The following SYCP2L variants were observed in gnomAD, a reference collection of about 807,000 sequenced individuals.
The protein encoded by SYCP2L is synaptonemal complex protein 2-like.
SYCP2L carries 98 observed loss-of-function variants against 125.8 expected under a neutral mutation model. That is an observed-to-expected ratio of 0.78 (90% CI 0.66 to 0.92). The LOEUF (loss-of-function observed/expected upper bound fraction) is 0.92. SYCP2L is among the 40% of genes least tolerant of loss of function. SYCP2L has a pLI of 0.00. For missense variants in SYCP2L, 842 were observed against 936.4 expected (o/e 0.90, Z 1.32); for synonymous variants, 317 against 325.4 (o/e 0.97, Z 0.28).
At chr6:10,957,625 CA>C (rs1781522679) in intron 25 of SYCP2L, among the ~76,000 whole-genome samples, 1 of 152,082 alleles carries the variant, frequency 6.6e-6, no homozygotes, top group Non-Finnish European at 1.5e-5. Flanking sequence ...TCAGCCCGTG[CA>C]ACATAGTGAG....
At chr6:10,911,510 C>T (rs903981602) in intron 12 of SYCP2L, among the ~76,000 whole-genome samples, 4 of 152,186 alleles carry the variant, frequency 2.6e-5, no homozygotes, top group African/African-American at 9.7e-5. Flanking sequence ...TCAGAGTCCC[C>T]TTCTTGGCCT....
chr6:10,900,103 G>C (rs969928637), intron 6 of SYCP2L, among the ~76,000 whole-genome samples: 1 of 152,184 alleles, frequency 6.6e-6, no homozygotes, highest in Admixed American at 6.5e-5. Flanking sequence ...AGGAAACACT[G>C]TTCTAGATGA....
At position 10,924,109 on chromosome 6, in the gene SYCP2L, A is replaced by G. The variant is rs1483207657; in HGVS notation, c.1073-387A>G. 5.3e-5 allele frequency among the ~76,000 whole-genome samples: 8 copies of G among 152,194 alleles called. 1 individual carries two copies. ...ATTTTCAATTTTAGAAATAAGTAGA[A>G]TTTCAGAGAGAGAGAGAGTGAATAT... On this transcript the variant is annotated intron_variant, in intron 14 of 29. Coordinates refer to ENST00000283141, the MANE Select transcript of SYCP2L (RefSeq NM_001040274.3).
intron 14 of SYCP2L, among the ~76,000 whole-genome samples, chr6:10,921,349 A>T (rs1780798078): frequency 6.6e-6 from 1 of 152,138 alleles, no homozygotes; most frequent in Non-Finnish European, 1.5e-5. Context: ...ATAGGTGTGC[A>T]TGTATTTTTA....
At chr6:10,953,457 AT>A (rs1781445993) in intron 23 of SYCP2L, among the ~76,000 whole-genome samples, 1 of 152,090 alleles carries the variant, frequency 6.6e-6, no homozygotes. Flanking sequence ...TATAGCAAAT[AT>A]GTAGTGGCTA....
At chr6:10,963,918 G>T in intron 29 of SYCP2L, 75 bp downstream of exon 29, 1 of 1,062,492 alleles carries the variant, frequency 9.4e-7, no homozygotes, top group Non-Finnish European at 1.4e-6. Flanking sequence ...AAAAGATACT[G>T]TAATGCTTTG....
Position 10,887,108 on chromosome 6 carries a change from G to C in SYCP2L, c.-19G>C, listed in dbSNP as rs375124854. ...CAAAGCTGAGCGGCGCGTCGCTTCA[G>C]GAACGAAGAAGCCTCGTTATGCAAG... On this transcript the variant is annotated 5_prime_UTR_variant, in exon 1 of 30. Transcript: ENST00000283141. The C allele has an allele frequency of 7.4e-6, 12 of 1,614,116 alleles. No homozygotes were observed. Among genetic ancestry groups the C allele is most frequent in the Middle Eastern group, 1.6e-4 (1 of 6,062 alleles).
intron 1 of SYCP2L, among the ~76,000 whole-genome samples, chr6:10,889,884 T>A (rs1027642879): frequency 3.3e-5 from 5 of 152,204 alleles, no homozygotes; most frequent in African/African-American, 1.2e-4. Flanking sequence ...CCACCCAAAG[T>A]GCTGGGATTA....
chr6:10,963,960 C>CTT (rs1178121323), intron 29 of SYCP2L, 117 bp downstream of exon 29: 1 of 632,566 alleles, frequency 1.6e-6, no homozygotes, highest in East Asian at 3.7e-5. Context: ...GGAACTTCTC[C>CTT]ATTTTTTTTT....
chr6:10,918,128 G>A (rs1223881549), intron 14 of SYCP2L, among the ~76,000 whole-genome samples: 1 of 151,106 alleles, frequency 6.6e-6, no homozygotes, highest in South Asian at 2.1e-4. Context: ...AACCCAGGAG[G>A]AGGAGTTTGC....
chr6:10,966,039 G>A (rs1477537439), intron 29 of SYCP2L, among the ~76,000 whole-genome samples: 1 of 152,172 alleles, frequency 6.6e-6, no homozygotes, highest in African/African-American at 2.4e-5. Flanking sequence ...CTTGAACCCA[G>A]GAGGCAGAGG....
intron 29 of SYCP2L, among the ~76,000 whole-genome samples, chr6:10,965,916 C>A (rs1336917935): frequency 6.6e-6 from 1 of 152,124 alleles, no homozygotes; most frequent in Non-Finnish European, 1.5e-5. Flanking sequence ...AGTTTGAGAC[C>A]AGCCTGGCCA....
chr6:10,891,489 A>G (rs759393897), intron 1 of SYCP2L, 24 bp from the exon 2 acceptor site: 4 of 1,497,592 alleles, frequency 2.7e-6, no homozygotes, highest in Non-Finnish European at 3.6e-6. Flanking sequence ...AAATTGTTTA[A>G]AAACATGTTT....
intron 18 of SYCP2L, among the ~76,000 whole-genome samples, chr6:10,928,915 CTTT>C (rs751666059): frequency 2.1e-5 from 3 of 141,666 alleles, no homozygotes; most frequent in African/African-American, 7.7e-5. Flanking sequence ...CTTTTCTTTA[CTTT>C]TTTTTTTTTT....
At position 10,891,543 on chromosome 6, in the gene SYCP2L, G is replaced by C. The variant is rs576978056; in HGVS notation, c.40G>C (p.Glu14Gln). The change falls in exon 2 of 30, where the codon GAA (glutamate) becomes CAA (glutamine). Residue 14 changes from glutamate to glutamine, a missense_variant. Transcript: ENST00000283141. ...KNKDALQPIK[E>Q]DRTGKAQDDA... ...CAAAGATGCTTTGCAGCCTATTAAGGAAGACAGGACTGGGAAGGCCCAGGA... is the reference window on the plus strand; with the variant it reads ...CAAAGATGCTTTGCAGCCTATTAAGCAAGACAGGACTGGGAAGGCCCAGGA... 6.2e-7 allele frequency: 1 copy of C among 1,602,850 alleles called. No homozygotes were observed. The highest frequency in any genetic ancestry group is 1.7e-5 in the Admixed American group (1 of 58,344).
chr6:10,897,878 C>T, intron 4 of SYCP2L, 133 bp from the exon 5 acceptor site: 1 of 646,560 alleles, frequency 1.5e-6, no homozygotes, highest in South Asian at 1.8e-5. Flanking sequence ...CAGAGCCAGG[C>T]CTCATTGAAA....
At chr6:10,944,195 C>T (rs78554667) in intron 23 of SYCP2L, among the ~76,000 whole-genome samples, 1 of 152,236 alleles carries the variant, frequency 6.6e-6, no homozygotes, top group Admixed American at 6.5e-5. Flanking sequence ...TTTACATCCT[C>T]ACCAACACTT....
At chr6:10,893,775 T>A (rs973938275) in intron 2 of SYCP2L, 92 bp from the exon 3 acceptor site, 46 of 1,355,698 alleles carry the variant, frequency 3.4e-5, no homozygotes, top group Non-Finnish European at 4.7e-5. Context: ...TATTTCACAC[T>A]GAATTCTTAT....
intron 5 of SYCP2L, among the ~76,000 whole-genome samples, chr6:10,898,406 G>C (rs948422372): frequency 3.3e-5 from 5 of 152,068 alleles, no homozygotes; most frequent in African/African-American, 4.8e-5. Context: ...TCAGCTACTT[G>C]GGAGGCTGAG....
Sources: gnomAD v4.1 joint callset for allele counts (sites outside exome capture counted in the v4.1 genomes callset) on GRCh38, gnomAD v4.1.1 for gene constraint, MANE v1.5 for transcripts, NCBI Gene and HGNC (gene_info 2026-07-23, HGNC 2026-07-21) for gene names.